The following ZBTB8A variants were observed in gnomAD, a reference collection of about 807,000 sequenced individuals.
ZBTB8A encodes the protein zinc finger and BTB domain containing 8A.
ZBTB8A carries 19 observed loss-of-function variants against 37.8 expected under a neutral mutation model. The observed-to-expected ratio is 0.50, with a 90% CI of 0.35 to 0.74. ZBTB8A has a LOEUF of 0.74. Ranked by LOEUF, ZBTB8A falls within the 30% of genes least tolerant of loss-of-function variation. The pLI, the probability that ZBTB8A is intolerant of heterozygous loss-of-function variation, is 0.01. For synonymous variants in ZBTB8A, 181 were observed against 185.2 expected (o/e 0.98, Z 0.19); for missense variants, 394 against 537.8 (o/e 0.73, Z 2.65).
chr1:32,570,310 G>C (rs1023538570), intron 2 of ZBTB8A, among the ~76,000 whole-genome samples: 15 of 152,016 alleles, frequency 9.9e-5, no homozygotes, highest in Admixed American at 9.8e-4. Flanking sequence ...ACACTATCTT[G>C]GTTACCATAG....
chr1:32,542,583 G>T (rs977677910), intron 1 of ZBTB8A, among the ~76,000 whole-genome samples: 35 of 152,106 alleles, frequency 2.3e-4, no homozygotes, highest in African/African-American at 8.4e-4. Flanking sequence ...CAAAAAAAGA[G>T]AGTTGATCTT....
chr1:32,547,828 C>CAAA lies in ZBTB8A; in HGVS notation c.-83-5610_-83-5608dup, dbSNP rs1194254576. On this transcript the variant is annotated intron_variant, in intron 1 of 4. Transcript: ENST00000373510. ...TGTCTAAAACAAAAAACAAACAAAG[C>CAAA]AAAAAAAAAAAAAAAAAAAAAAAGA... Among the ~76,000 whole-genome samples, 150 of 30,460 alleles carry CAAA rather than the reference C, an allele frequency of 4.9e-3. 2 individuals carry two copies. Among genetic ancestry groups the CAAA allele is most frequent in the African/African-American group, 0.016 (113 of 7,182 alleles). 20.0% of individuals were successfully genotyped at this position (30,460 alleles called of 152,430 possible).
At chr1:32,554,552 T>C (rs1644185176) in intron 2 of ZBTB8A, among the ~76,000 whole-genome samples, 1 of 151,376 alleles carries the variant, frequency 6.6e-6, no homozygotes, top group Non-Finnish European at 1.5e-5. Context: ...CAGACTGGAG[T>C]GCAGAGGCAA....
chr1:32,549,186 TCAAAA>T lies in ZBTB8A; in HGVS notation c.-83-4255_-83-4251del, dbSNP rs758734846. On this transcript the variant is annotated intron_variant, in intron 1 of 4. Transcript: ENST00000373510. The stretch of plus-strand genomic sequence containing the variant: ...CTGGAGGGCAGAGTCAGACTCTGTC[TCAAAA>T]CAAAACAAAACAAAACACCTCGCTG... 2.0e-5 allele frequency among the ~76,000 whole-genome samples: 3 copies of T among 148,904 alleles called. No homozygotes were observed. In the East Asian group the frequency reaches 6.0e-4, roughly 30 times the overall value.
intron 1 of ZBTB8A, among the ~76,000 whole-genome samples, chr1:32,550,362 C>T (rs1250999081): frequency 2.0e-5 from 3 of 151,708 alleles, no homozygotes; most frequent in African/African-American, 7.3e-5. Flanking sequence ...ACCTGTAATC[C>T]CAACACTTTG....
chr1:32,594,431 T>C (rs1450774993), intron 3 of ZBTB8A, among the ~76,000 whole-genome samples: 1 of 151,908 alleles, frequency 6.6e-6, no homozygotes, highest in African/African-American at 2.4e-5. Flanking sequence ...TTTTTTTTTT[T>C]CCTGTGTACT....
intron 1 of ZBTB8A, among the ~76,000 whole-genome samples, chr1:32,539,885 G>A (rs1179930873): frequency 1.3e-5 from 2 of 149,824 alleles, no homozygotes; most frequent in African/African-American, 4.9e-5. Flanking sequence ...GGCGCCGGGC[G>A]TGTCTGGAGC....
intron 2 of ZBTB8A, among the ~76,000 whole-genome samples, chr1:32,580,703 A>G (rs1644396705): frequency 6.6e-6 from 1 of 152,144 alleles, no homozygotes; most frequent in African/African-American, 2.4e-5. Context: ...GAATCAAATT[A>G]TGTCCTAAAT....
At chr1:32,561,852 A>G (rs775037578) in intron 2 of ZBTB8A, among the ~76,000 whole-genome samples, 1 of 152,160 alleles carries the variant, frequency 6.6e-6, no homozygotes, top group African/African-American at 2.4e-5. Flanking sequence ...TTAAGACTTC[A>G]GCATATAATT....
chr1:32,557,813 C>G (rs565936632), intron 2 of ZBTB8A, among the ~76,000 whole-genome samples: 1 of 152,088 alleles, frequency 6.6e-6, no homozygotes, highest in African/African-American at 2.4e-5. Flanking sequence ...CAAATGCCAC[C>G]CTCTGTTGAT....
chr1:32,559,538 G>A (rs1340672956), intron 2 of ZBTB8A, among the ~76,000 whole-genome samples: 1 of 151,880 alleles, frequency 6.6e-6, no homozygotes, highest in Non-Finnish European at 1.5e-5. Flanking sequence ...ATCACGGCTC[G>A]CTGCAGCCTC....
chr1:32,540,159 CA>C, intron 1 of ZBTB8A, among the ~76,000 whole-genome samples: 1 of 152,244 alleles, frequency 6.6e-6, no homozygotes, highest in Middle Eastern at 3.4e-3. Context: ...GTTGAGCTCC[CA>C]ACTATTTGCT....
intron 2 of ZBTB8A, among the ~76,000 whole-genome samples, chr1:32,589,894 T>C (rs1644475652): frequency 6.6e-6 from 1 of 151,914 alleles, no homozygotes; most frequent in Non-Finnish European, 1.5e-5. Context: ...ATCATGTTTA[T>C]ACAATATTGG....
chr1:32,589,584 C>T (rs1644473348), intron 2 of ZBTB8A, among the ~76,000 whole-genome samples: 1 of 150,498 alleles, frequency 6.6e-6, no homozygotes, highest in African/African-American at 2.5e-5. Flanking sequence ...CAGTCTCAGT[C>T]TGTTGCCCAG....
At chr1:32,568,347 G>A (rs1170829452) in intron 2 of ZBTB8A, among the ~76,000 whole-genome samples, 1 of 151,306 alleles carries the variant, frequency 6.6e-6, no homozygotes, top group Non-Finnish European at 1.5e-5. Context: ...CCAGTTTCAG[G>A]CAACTGTAAT....
intron 2 of ZBTB8A, among the ~76,000 whole-genome samples, chr1:32,581,848 G>T (rs924324617): frequency 7.2e-5 from 11 of 152,114 alleles, no homozygotes; most frequent in Non-Finnish European, 1.5e-4. Context: ...AGGATGGAGT[G>T]AGTGCCAGCA....
chr1:32,562,379 C>A lies in ZBTB8A; in HGVS notation c.-2+8839C>A, dbSNP rs57147998. 5.3e-3 allele frequency among the ~76,000 whole-genome samples: 805 copies of A among 151,982 alleles called. 10 individuals carry two copies. Among genetic ancestry groups the A allele is most frequent in the African/African-American group, 0.019 (770 of 41,456 alleles). On this transcript the variant is annotated intron_variant, in intron 2 of 4. Transcript: ENST00000373510. The stretch of plus-strand genomic sequence containing the variant: ...CTCCGCCTCCTGGGTTCAAGCAATT[C>A]TCCTGCCTCAGCCTCCCGAGTAGCT...
intron 2 of ZBTB8A, among the ~76,000 whole-genome samples, chr1:32,567,413 G>A (rs920204964): frequency 2.0e-5 from 3 of 152,104 alleles, no homozygotes; most frequent in Non-Finnish European, 4.4e-5. Flanking sequence ...TCTTGTATCT[G>A]CCACCTAGCT....
intron 2 of ZBTB8A, among the ~76,000 whole-genome samples, chr1:32,561,388 C>T (rs947012856): frequency 1.3e-5 from 2 of 152,044 alleles, no homozygotes; most frequent in African/African-American, 4.8e-5. Context: ...CTGAAATCAA[C>T]GTGTTGACAG....
Sources: allele counts gnomAD v4.1 joint callset (sites outside exome capture counted in the v4.1 genomes callset), GRCh38; gene constraint gnomAD v4.1.1; transcripts MANE v1.5; gene names NCBI Gene and HGNC (gene_info 2026-07-23, HGNC 2026-07-21).